Variants in YTHDF3 observed in about 807,000 individuals in gnomAD.
YTHDF3 encodes YTH domain-containing family protein 3.
Under a neutral mutation model 52.5 loss-of-function variants are expected in YTHDF3, and 9 were observed. The observed-to-expected ratio is 0.17, with a 90% CI of 0.10 to 0.30. The LOEUF (loss-of-function observed/expected upper bound fraction) is 0.30. Ranked by LOEUF, YTHDF3 falls within the 10% of genes least tolerant of loss-of-function variation. YTHDF3 has a pLI of 1.00. For missense variants in YTHDF3, 534 were observed against 715.0 expected, an observed-to-expected ratio of 0.75 and a Z score of 2.89; for synonymous variants, 274 against 243.3, an observed-to-expected ratio of 1.13 and a Z score of -1.18.
chr8:63,208,250 T>TTAAAA (rs2150405127), intron 4 of YTHDF3, among the ~76,000 whole-genome samples: 1 of 152,274 alleles, frequency 6.6e-6, no homozygotes, highest in Admixed American at 6.5e-5. Flanking sequence ...CAGGAATGTA[T>TTAAAA]TAAAATAAAA....
chr8:63,171,663 C>A (rs1807334876), intron 2 of YTHDF3, among the ~76,000 whole-genome samples: 1 of 152,138 alleles, frequency 6.6e-6, no homozygotes, highest in South Asian at 2.1e-4. Context: ...TAGCTTGTTC[C>A]CAGCTCGTAA....
intron 3 of YTHDF3, among the ~76,000 whole-genome samples, chr8:63,182,844 A>C (rs1357676680): frequency 2.6e-5 from 4 of 152,072 alleles, no homozygotes; most frequent in Non-Finnish European, 5.9e-5. Context: ...ATCTTATATC[A>C]ATGTTTTTTT....
At chr8:63,175,283 A>G (rs762222427) in intron 2 of YTHDF3, 48 bp from the exon 3 acceptor site, 3 of 1,375,586 alleles carry the variant, frequency 2.2e-6, no homozygotes, top group Non-Finnish European at 3.0e-6. Context: ...TTGTGCTGCG[A>G]GTTTCATAAA....
intron 4 of YTHDF3, among the ~76,000 whole-genome samples, chr8:63,202,783 G>C (rs1032511177): frequency 6.6e-6 from 1 of 151,924 alleles, no homozygotes; most frequent in Admixed American, 6.6e-5. Context: ...TCTTTAGCAT[G>C]AATTTTTTTA....
chr8:63,168,623 G>A lies in YTHDF3; in HGVS notation c.-255G>A. ...TCAGGGAGGCTCGGAGCGGAAGTGA[G>A]ACTAGGGAGTCTGTCCGCCATTGTG... On this transcript the variant is annotated 5_prime_UTR_variant, in exon 1 of 5. Coordinates refer to ENST00000539294, the MANE Select transcript of YTHDF3 (RefSeq NM_152758.6). 3 of 643,476 alleles carry A rather than the reference G, an allele frequency of 4.7e-6. No homozygotes were observed. The highest frequency in any genetic ancestry group is 8.0e-6 in the Non-Finnish European group (3 of 376,272). The allele number at this position is 643,476 out of a possible 1,614,324, so 39.9% of individuals were successfully genotyped here. A position where few individuals can be genotyped will look rare whatever the true frequency, so the allele number is the denominator to read the frequency against.
At chr8:63,169,749 A>G (rs1276835743) in intron 2 of YTHDF3, among the ~76,000 whole-genome samples, 1 of 152,254 alleles carries the variant, frequency 6.6e-6, no homozygotes, top group Non-Finnish European at 1.5e-5. Context: ...ATAGACAAGT[A>G]TATTCTTAAA....
rs762401199 is a variant in YTHDF3 at position 63,211,465 on chromosome 8, C to G, written c.*1759C>G. The G allele has an allele frequency of 6.6e-6, 1 of 152,486 alleles. No homozygotes were observed. The highest frequency in any genetic ancestry group is 1.5e-5 in the Non-Finnish European group (1 of 67,986). The allele number at this position is 152,486 out of a possible 1,614,324, so 9.4% of individuals were successfully genotyped here. ...AAGTGGCATTTGGGTATAGTCACCA[C>G]AGCAATGTTCTACATCCCTAAGATT... is the stretch of plus-strand genomic sequence containing the variant. On this transcript the variant is annotated 3_prime_UTR_variant, in exon 5 of 5. Coordinates refer to ENST00000539294, the MANE Select transcript of YTHDF3 (RefSeq NM_152758.6).
Position 63,168,841 on chromosome 8 carries a change from AGCG to A in YTHDF3, c.-22_-20del, listed in dbSNP as rs753271558. On this transcript the variant is annotated 5_prime_UTR_variant, in exon 1 of 5. Transcript: ENST00000539294. ...TGAGTGCACGGGGAGAGGCCCAGGC[AGCG>A]GCGGCGGCGGCGGCTCTCGGGTTGC... is the stretch of plus-strand genomic sequence containing the variant. 1.0e-5 allele frequency: 16 copies of A among 1,551,660 alleles called. No individual in the cohort carries two copies. The highest frequency in any genetic ancestry group is 3.9e-5 in the Admixed American group (2 of 51,368).
intron 4 of YTHDF3, among the ~76,000 whole-genome samples, chr8:63,193,300 C>A (rs1809028012): frequency 6.7e-6 from 1 of 149,028 alleles, no homozygotes; most frequent in South Asian, 2.1e-4. Context: ...ATTGGTTGAA[C>A]CAGGGAGGTG....
intron 3 of YTHDF3, among the ~76,000 whole-genome samples, chr8:63,180,977 G>A (rs1437793521): frequency 6.6e-6 from 1 of 152,192 alleles, no homozygotes; most frequent in Non-Finnish European, 1.5e-5. Context: ...AGAGGGAGAG[G>A]GAGAGGGTCC....
At chr8:63,175,884 CTA>C (rs1159469334) in intron 3 of YTHDF3, among the ~76,000 whole-genome samples, 1 of 152,060 alleles carries the variant, frequency 6.6e-6, no homozygotes, top group East Asian at 1.9e-4. Flanking sequence ...TCATTGATAA[CTA>C]TTGAAAATTT....
intron 4 of YTHDF3, among the ~76,000 whole-genome samples, chr8:63,188,456 A>T (rs1808673322): frequency 6.6e-6 from 1 of 150,516 alleles, no homozygotes. Flanking sequence ...CTTCCCGAGT[A>T]GCTGGGACTA....
intron 4 of YTHDF3, among the ~76,000 whole-genome samples, chr8:63,207,674 T>TA (rs1810119582): frequency 6.6e-6 from 1 of 152,206 alleles, no homozygotes; most frequent in African/African-American, 2.4e-5. Flanking sequence ...TCCTCATTGT[T>TA]ACAACCGATC....
rs758787473 is a variant in YTHDF3, at chr8:63,193,374, C to CAAA, written c.1734+5649_1734+5651dup. ...CTGGGTGACAGAGCTAGACTCCGTC[C>CAAA]AAAAAAAAAAAAAAAAAAAAAAGCA... On this transcript the variant is annotated intron_variant, in intron 4 of 4. Transcript: ENST00000539294. Among the ~76,000 whole-genome samples the CAAA allele has an allele frequency of 6.7e-3, 359 of 53,834 alleles. 4 individuals carry two copies. The highest frequency in any genetic ancestry group is 0.019 in the African/African-American group (333 of 17,572). The allele number at this position is 53,834 out of a possible 152,430, so 35.3% of individuals were successfully genotyped here. A position where few individuals can be genotyped will look rare whatever the true frequency, so the allele number is the denominator to read the frequency against.
intron 4 of YTHDF3, 63 bp downstream of exon 4, chr8:63,187,808 A>G (rs796603899): frequency 2.6e-5 from 38 of 1,477,312 alleles, no homozygotes; most frequent in African/African-American, 1.4e-4. Flanking sequence ...ATGGATGGGT[A>G]TATTCTGAGT....
chr8:63,208,177 A>G (rs1469951187), intron 4 of YTHDF3, among the ~76,000 whole-genome samples: 1 of 152,098 alleles, frequency 6.6e-6, no homozygotes, highest in Non-Finnish European at 1.5e-5. Context: ...AGTTTCATTT[A>G]TAGTTATGTA....
At chr8:63,208,433 G>A (rs1810177186) in intron 4 of YTHDF3, among the ~76,000 whole-genome samples, 2 of 152,166 alleles carry the variant, frequency 1.3e-5, no homozygotes, top group African/African-American at 4.8e-5. Context: ...AGTAGCAAAA[G>A]CAAAGTGAGA....
intron 2 of YTHDF3, among the ~76,000 whole-genome samples, chr8:63,174,510 A>G (rs1323824736): frequency 1.3e-5 from 2 of 152,222 alleles, no homozygotes; most frequent in Admixed American, 1.3e-4. Context: ...ACTGGAGATC[A>G]TCTCCTCAGT....
chr8:63,182,484 A>G (rs1808207750), intron 3 of YTHDF3, among the ~76,000 whole-genome samples: 1 of 152,130 alleles, frequency 6.6e-6, no homozygotes, highest in Non-Finnish European at 1.5e-5. Flanking sequence ...CCCCTGAATT[A>G]TACTATGGGT....
Sources: allele counts gnomAD v4.1 joint callset (sites outside exome capture counted in the v4.1 genomes callset), GRCh38; gene constraint gnomAD v4.1.1; transcripts MANE v1.5; gene names NCBI Gene and HGNC (gene_info 2026-07-23, HGNC 2026-07-21).